Variants in WASF1 observed in about 807,000 individuals in gnomAD.
WASF1 encodes actin-binding protein WASF1.
WASF1 carries 7 observed loss-of-function variants against 50.5 expected under a neutral mutation model. The observed-to-expected ratio is 0.14, with a 90% CI of 0.08 to 0.26. The LOEUF (loss-of-function observed/expected upper bound fraction) is 0.26. Ranked by LOEUF, WASF1 falls within the 10% of genes least tolerant of loss-of-function variation. The probability of loss-of-function intolerance (pLI) is 1.00; values close to 1 mark genes in which losing one functional copy is unlikely to be tolerated. For missense variants in WASF1, 470 were observed against 694.7 expected (o/e 0.68, Z 3.64); for synonymous variants, 205 against 244.0 (o/e 0.84, Z 1.49).
At chr6:110,169,911 G>C (rs923160264) in intron 2 of WASF1, among the ~76,000 whole-genome samples, 3 of 152,092 alleles carry the variant, frequency 2.0e-5, no homozygotes, top group Non-Finnish European at 2.9e-5. Context: ...AATCCATGAA[G>C]CTCAGAGATC....
intron 3 of WASF1, among the ~76,000 whole-genome samples, chr6:110,153,863 C>T (rs1035841183): frequency 8.0e-5 from 12 of 150,916 alleles, no homozygotes; most frequent in East Asian, 1.9e-4. Context: ...TTATGCTATA[C>T]GCCTGGATTT....
intron 2 of WASF1, among the ~76,000 whole-genome samples, chr6:110,161,035 C>G (rs1776241475): frequency 6.6e-6 from 1 of 151,462 alleles, no homozygotes; most frequent in African/African-American, 2.4e-5. Flanking sequence ...CCTATTGCTA[C>G]TAAAGCCGTA....
At chr6:110,118,942 T>G (rs1278018784) in intron 4 of WASF1, among the ~76,000 whole-genome samples, 1 of 152,138 alleles carries the variant, frequency 6.6e-6, no homozygotes, top group Non-Finnish European at 1.5e-5. Flanking sequence ...CCTGAATGAC[T>G]AATGGGTAAA....
intron 3 of WASF1, among the ~76,000 whole-genome samples, chr6:110,141,715 G>A (rs537153907): frequency 2.5e-4 from 38 of 150,582 alleles, no homozygotes; most frequent in African/African-American, 9.0e-4. Flanking sequence ...TGAGCTTTAA[G>A]GAAGCCAAAA....
chr6:110,140,314 T>C (rs570758982), intron 3 of WASF1, among the ~76,000 whole-genome samples: 113 of 152,238 alleles, frequency 7.4e-4, no homozygotes, highest in Non-Finnish European at 2.5e-4. Context: ...CCCCTTCCCC[T>C]ATAACTTGCC....
At chr6:110,170,090 G>A (rs1776640979) in intron 2 of WASF1, among the ~76,000 whole-genome samples, 1 of 152,148 alleles carries the variant, frequency 6.6e-6, no homozygotes, top group Non-Finnish European at 1.5e-5. Context: ...TACAAAAAGA[G>A]AGGCAAACTA....
chr6:110,153,637 T>C (rs754052830), intron 3 of WASF1, among the ~76,000 whole-genome samples: 29 of 152,108 alleles, frequency 1.9e-4, no homozygotes, highest in Non-Finnish European at 3.4e-4. Context: ...CTGGACAAGG[T>C]GGCTCACATC....
chr6:110,132,174 T>C (rs1774707347), intron 3 of WASF1, among the ~76,000 whole-genome samples: 1 of 152,056 alleles, frequency 6.6e-6, no homozygotes, highest in South Asian at 2.1e-4. Flanking sequence ...TTGTTGTATA[T>C]ATAGAAAATA....
chr6:110,100,514 C>T lies in WASF1; in HGVS notation c.*8G>A, dbSNP rs1246939410. On this transcript the variant is annotated 3_prime_UTR_variant, in exon 11 of 11. Transcript: ENST00000392589. ...TTCAGTTTTGTAATATTTATCAATG[C>T]ATTTTTCTTACTCCAACCAATCTAC... 1.2e-6 allele frequency: 2 copies of T among 1,604,268 alleles called. No individual in the cohort carries two copies. The highest frequency in any genetic ancestry group is 1.1e-5 in the South Asian group (1 of 89,802).
intron 3 of WASF1, among the ~76,000 whole-genome samples, chr6:110,147,204 G>T (rs1332146925): frequency 6.6e-6 from 1 of 151,934 alleles, no homozygotes; most frequent in Admixed American, 6.6e-5. Flanking sequence ...AAATTAGCCG[G>T]GCGTGGTGGC....
chr6:110,126,973 T>C (rs1774444227), intron 4 of WASF1, among the ~76,000 whole-genome samples: 1 of 152,076 alleles, frequency 6.6e-6, no homozygotes, highest in Non-Finnish European at 1.5e-5. Flanking sequence ...TATCCTAATG[T>C]CTCTTAGACA....
At chr6:110,119,993 C>T (rs1774017283) in intron 4 of WASF1, among the ~76,000 whole-genome samples, 1 of 152,110 alleles carries the variant, frequency 6.6e-6, no homozygotes. Flanking sequence ...TTCAACACCC[C>T]GTCATGCTAA....
chr6:110,133,647 C>T (rs550142755), intron 3 of WASF1, among the ~76,000 whole-genome samples: 5 of 152,108 alleles, frequency 3.3e-5, no homozygotes, highest in African/African-American at 1.2e-4. Flanking sequence ...TGATGGTGAC[C>T]ATTTTCTCAT....
At chr6:110,131,028 A>C (rs531172021) in intron 3 of WASF1, among the ~76,000 whole-genome samples, 1 of 152,006 alleles carries the variant, frequency 6.6e-6, no homozygotes, top group East Asian at 1.9e-4. Context: ...ATTTTTGGCC[A>C]TTTGTTGTGT....
At chr6:110,124,198 T>C (rs1774265115) in intron 4 of WASF1, among the ~76,000 whole-genome samples, 1 of 122,942 alleles carries the variant, frequency 8.1e-6, no homozygotes, top group African/African-American at 4.0e-5. Flanking sequence ...AGCGTCTCTC[T>C]CTCTCTCTCT....
At chr6:110,159,522 C>G (rs1298254605) in intron 3 of WASF1, among the ~76,000 whole-genome samples, 1 of 151,888 alleles carries the variant, frequency 6.6e-6, no homozygotes, top group Non-Finnish European at 1.5e-5. Context: ...CAAATAGCAA[C>G]TCCAACTGAC....
At chr6:110,136,211 T>G (rs571955070) in intron 3 of WASF1, among the ~76,000 whole-genome samples, 9 of 152,324 alleles carry the variant, frequency 5.9e-5, no homozygotes, top group Non-Finnish European at 1.0e-4. Flanking sequence ...TAATGTAATG[T>G]CCTTGAAAAG....
At chr6:110,167,512 C>G (rs578238476) in intron 2 of WASF1, among the ~76,000 whole-genome samples, 66 of 152,086 alleles carry the variant, frequency 4.3e-4, no homozygotes, top group Non-Finnish European at 7.8e-4. Context: ...GTCTCCTTTG[C>G]TAGTGCATCC....
intron 4 of WASF1, among the ~76,000 whole-genome samples, chr6:110,126,944 A>G (rs1774443117): frequency 6.6e-6 from 1 of 152,148 alleles, no homozygotes. Flanking sequence ...ACAATGCTGC[A>G]TATCAGATTC....
Sources: allele counts gnomAD v4.1 joint callset (sites outside exome capture counted in the v4.1 genomes callset), GRCh38; gene constraint gnomAD v4.1.1; transcripts MANE v1.5; gene names NCBI Gene and HGNC (gene_info 2026-07-23, HGNC 2026-07-21).